Variants in URB2 observed in about 807,000 individuals in gnomAD.
URB2 encodes the protein URB2 ribosome biogenesis homolog, also known as unhealthy ribosome biogenesis protein 2 homolog.
Under a neutral mutation model 120.9 loss-of-function variants are expected in URB2, and 86 were observed. That is an observed-to-expected ratio of 0.71 (90% CI 0.60 to 0.85). The LOEUF is 0.85. Ranked by LOEUF, URB2 falls within the 40% of genes least tolerant of loss-of-function variation. The pLI is 0.00. For synonymous variants in URB2, 755 were observed against 758.4 expected (o/e 1.00, Z 0.07); for missense variants, 1,765 against 1,836.5 (o/e 0.96, Z 0.71).
At position 229,632,223 on chromosome 1, in the gene URB2, C is replaced by G. The variant is rs772170065; in HGVS notation, c.127-46C>G. 44 of 1,460,450 alleles carry G rather than the reference C, an allele frequency of 3.0e-5. No homozygotes were observed. The South Asian group carries it at 6.0e-4, about 20-fold the overall frequency. The allele number at this position is 1,460,450 out of a possible 1,614,324, so 90.5% of individuals were successfully genotyped here. ...TCCCTATAATGTCTAACATCTTTCT[C>G]TCAGCAAATAAATTTATTTTCAGTG... On this transcript the variant is annotated intron_variant, in intron 2 of 9. Transcript: ENST00000258243.
Position 229,651,230 on chromosome 1 carries a change from T to G in URB2, c.4150-5T>G. On this transcript the variant is annotated splice_polypyrimidine_tract_variant and splice_region_variant and intron_variant, in intron 7 of 9. Transcript: ENST00000258243. ...ACTTTTACATTCTGTTATCTGTCAT[T>G]ACAGGTAATGCTGAAAGCCATCCCT... 6.2e-7 allele frequency: 1 copy of G among 1,600,838 alleles called. No homozygotes were observed. The highest frequency in any genetic ancestry group is 8.5e-7 in the Non-Finnish European group (1 of 1,175,536).
At chr1:229,644,441 G>A (rs1388600636) in intron 5 of URB2, among the ~76,000 whole-genome samples, 3 of 152,198 alleles carry the variant, frequency 2.0e-5, no homozygotes, top group Non-Finnish European at 4.4e-5. Context: ...GAGACTTCCC[G>A]GAGGAAGTGA....
rs766210522 is a variant in URB2 at position 229,637,802 on chromosome 1, G to T, written c.3189G>T (p.Leu1063Phe). ...TCCTTCTGGTGTCTTTAACCAGGTT[G>T]TGCCATGTCCTGGGACCTTTCCTCA... ...RQLLLVSLTR[L>F]CHVLGPFLKE... is the part of the protein sequence containing the mutation. Residue 1063 changes from leucine (L) to phenylalanine (F), a missense_variant, in exon 4 of 10, where the codon TTG (leucine) becomes TTT (phenylalanine). By Grantham distance (22) the Leu-to-Phe change is conservative. Transcript: ENST00000258243. The T allele has an allele frequency of 1.2e-6, 2 of 1,613,764 alleles. No individual in the cohort carries two copies. Among genetic ancestry groups the T allele is most frequent in the Non-Finnish European group, 1.7e-6 (2 of 1,179,928 alleles).
chr1:229,645,471 C>T (rs2102793486), intron 5 of URB2, among the ~76,000 whole-genome samples: 1 of 152,248 alleles, frequency 6.6e-6, no homozygotes, highest in South Asian at 2.1e-4. Flanking sequence ...AAGCGTGCAT[C>T]GTTGCTCAGT....
chr1:229,636,446 C>A lies in URB2; in HGVS notation c.1833C>A (p.Tyr611Ter), dbSNP rs1305849413. The A allele has an allele frequency of 6.2e-7, 1 of 1,614,288 alleles. No individual in the cohort carries two copies. The highest frequency in any genetic ancestry group is 1.1e-5 in the South Asian group (1 of 91,092). The change falls in exon 4 of 10, where the codon TAC becomes TAA. Residue 611 changes from tyrosine (Y) to a stop codon, truncating the protein, a stop_gained. Transcript: ENST00000258243. LOFTEE classifies it high-confidence loss of function. Reference sequence around the variant, plus strand: ...GTGACTCTGTGCTCCTGCTCTCTTACACTTGGGCCCAGGTGGACGCTATGT... The same window carrying A: ...GTGACTCTGTGCTCCTGCTCTCTTAAACTTGGGCCCAGGTGGACGCTATGT... ...KVSDSVLLLS[Y>*]TWAQVDAMFS...
rs1329467696 is a variant in URB2, at chr1:229,659,210, A to G, written c.4488A>G (p.Gly1496=). ...TCCTGCGGGCCTCGCTGCAGCCGGG[A>G]ATGAGAGACATCTTTAAGGAGCTCT... is the stretch of plus-strand genomic sequence containing the variant. The part of the protein sequence containing the change: ...VQFLRASLQP[G]MRDIFKELYN... Residue 1496 remains glycine (G), a synonymous_variant, in exon 10 of 10, where the codon GGA becomes GGG. Transcript: ENST00000258243. The G allele has an allele frequency of 1.9e-6, 3 of 1,613,968 alleles. No homozygotes were observed. The South Asian group carries it at 3.3e-5, about 18-fold the overall frequency.
At position 229,645,941 on chromosome 1, in the gene URB2, C is replaced by G; in HGVS notation, c.3878C>G (p.Ala1293Gly). The G allele has an allele frequency of 6.2e-7, 1 of 1,614,166 alleles. No homozygotes were observed. The highest frequency in any genetic ancestry group is 8.5e-7 in the Non-Finnish European group (1 of 1,180,008). The change falls in exon 6 of 10, where the codon GCG (alanine) becomes GGG (glycine). Residue 1293 changes from alanine (A) to glycine (G), a missense_variant. Physicochemically the swap from Ala to Gly is moderately conservative, Grantham distance 60 (BLOSUM62 0). Transcript: ENST00000258243. Reference protein sequence around the residue: ...SGEKASLLWRACPQIVTALTL... With the variant: ...SGEKASLLWRGCPQIVTALTL... The stretch of plus-strand genomic sequence containing the variant: ...GAGAAAGCAAGTCTGTTGTGGCGTG[C>G]GTGTCCCCAGATAGTCACAGCTTTA...
At position 229,635,352 on chromosome 1, in the gene URB2, C is replaced by G; in HGVS notation, c.739C>G (p.Gln247Glu). ...IEAMFRGGIF[Q>E]PELLSSYKEG... ...GGCCATGTTCCGAGGAGGGATTTTT[C>G]AGCCTGAGCTACTGTCATCCTACAA... Residue 247 changes from glutamine (Q) to glutamate (E), a missense_variant, in exon 4 of 10, where the codon CAG (glutamine) becomes GAG (glutamate). Coordinates refer to ENST00000258243, the MANE Select transcript of URB2 (RefSeq NM_014777.4). 5 of 1,614,140 alleles carry G rather than the reference C, an allele frequency of 3.1e-6. No homozygotes were observed. In the East Asian group the frequency reaches 1.1e-4, roughly 36 times the overall value.
rs1666488538 is a variant in URB2, at chr1:229,660,072, A to G, written c.*775A>G. 6.6e-6 allele frequency: 1 copy of G among 152,216 alleles called. No homozygotes were observed. The highest frequency in any genetic ancestry group is 2.1e-4 in the South Asian group (1 of 4,828). 9.4% of individuals were successfully genotyped at this position (152,216 alleles called of 1,614,324 possible). ...AAAAAACTCATTCATAGTCTCAGTT[A>G]CCCAGATAACCTCGGTTGTCACCTT... On this transcript the variant is annotated 3_prime_UTR_variant, in exon 10 of 10. Transcript: ENST00000258243.
intron 7 of URB2, 68 bp from the exon 8 acceptor site, chr1:229,651,167 C>T (rs757991255): frequency 9.1e-5 from 128 of 1,406,708 alleles, no homozygotes; most frequent in Middle Eastern, 3.8e-4. Context: ...TAAGTATGAG[C>T]TCCTTTAAAG....
At chr1:229,631,634 A>AGGGGAAAATAGCCCGTC (rs1196474771) in intron 2 of URB2, among the ~76,000 whole-genome samples, 1 of 152,314 alleles carries the variant, frequency 6.6e-6, no homozygotes, top group African/African-American at 2.4e-5. Flanking sequence ...AGAAGGAGAG[A>AGGGGAAAATAGCCCGTC]GGGGAAAATA....
chr1:229,650,083 T>C (rs1007525476), intron 7 of URB2, among the ~76,000 whole-genome samples: 3 of 152,212 alleles, frequency 2.0e-5, no homozygotes, highest in Non-Finnish European at 4.4e-5. Flanking sequence ...GGTATTATGC[T>C]ATCAAAAATT....
intron 9 of URB2, among the ~76,000 whole-genome samples, chr1:229,658,280 T>C (rs1005367235): frequency 2.0e-5 from 3 of 152,150 alleles, no homozygotes; most frequent in African/African-American, 7.2e-5. Context: ...TTAGGTTGGT[T>C]TGATATTAGT....
At chr1:229,640,109 ATGTATTAACATGCAT>A (rs1665966800) in intron 4 of URB2, among the ~76,000 whole-genome samples, 1 of 152,236 alleles carries the variant, frequency 6.6e-6, no homozygotes, top group Admixed American at 6.5e-5. Flanking sequence ...ATTAACATGC[ATGTATTAACATGCAT>A]TGTATTATTG....
At chr1:229,631,786 G>A (rs1283914233) in intron 2 of URB2, among the ~76,000 whole-genome samples, 1 of 152,156 alleles carries the variant, frequency 6.6e-6, no homozygotes, top group East Asian at 1.9e-4. Context: ...TGGTCACAGA[G>A]TACCTTAACA....
In URB2 at chr1:229,632,317, A is replaced by G; in HGVS notation, c.175A>G (p.Lys59Glu). ...RQSLVAFYKK[K>E]LELKEDIVER... ...ATCATTGGTTGCATTTTATAAGAAA[A>G]AGCTTGAACTGAAGGAAGATATTGT... is the stretch of plus-strand genomic sequence containing the variant. The change falls in exon 3 of 10, where the codon AAG becomes GAG. Residue 59 changes from lysine to glutamate, a missense_variant. Transcript: ENST00000258243. The G allele has an allele frequency of 6.3e-7, 1 of 1,588,106 alleles. No individual in the cohort carries two copies. The highest frequency in any genetic ancestry group is 1.2e-5 in the South Asian group (1 of 84,342).
At position 229,635,865 on chromosome 1, in the gene URB2, C is replaced by G; in HGVS notation, c.1252C>G (p.Leu418Val). ...WFRCLKTLISLNHLILEPDLD... is the reference protein window; with the variant it reads ...WFRCLKTLISVNHLILEPDLD... ...CCGCTGTCTGAAGACTTTGATATCT[C>G]TGAATCATTTGATTTTGGAGCCAGA... The change falls in exon 4 of 10, where the codon CTG becomes GTG. Residue 418 changes from leucine to valine, a missense_variant. Leu to Val is a conservative substitution (Grantham distance 32). Transcript: ENST00000258243. The G allele has an allele frequency of 6.2e-7, 1 of 1,614,232 alleles. No homozygotes were observed.
chr1:229,655,520 C>G (rs1666385727), intron 9 of URB2, among the ~76,000 whole-genome samples: 1 of 152,208 alleles, frequency 6.6e-6, no homozygotes, highest in African/African-American at 2.4e-5. Flanking sequence ...AGGTGTGAGC[C>G]ACCGCGCCCA....
chr1:229,652,510 A>G (rs150920409), intron 8 of URB2, among the ~76,000 whole-genome samples: 2 of 152,366 alleles, frequency 1.3e-5, no homozygotes, highest in African/African-American at 2.4e-5. Flanking sequence ...CTAGGCTTCA[A>G]TTCCTCTGCC....
Sources: allele counts gnomAD v4.1 joint callset (sites outside exome capture counted in the v4.1 genomes callset), GRCh38; gene constraint gnomAD v4.1.1; transcripts MANE v1.5; gene names NCBI Gene and HGNC (gene_info 2026-07-23, HGNC 2026-07-21).